The following NELL1 variants were observed in gnomAD, a reference collection of about 807,000 sequenced individuals.
The protein encoded by NELL1 is neural EGFL like 1, also known as protein kinase C-binding protein NELL1.
NELL1 carries 76 observed loss-of-function variants against 107.4 expected under a neutral mutation model. The observed-to-expected ratio is 0.71, with a 90% CI of 0.59 to 0.86. NELL1 has a LOEUF of 0.86. Ranked by LOEUF, NELL1 falls within the 40% of genes least tolerant of loss-of-function variation. The pLI is 0.00. For synonymous variants in NELL1, 353 were observed against 341.2 expected (o/e 1.03, Z -0.38); for missense variants, 1,024 against 1,005.5 (o/e 1.02, Z -0.25).
intron 2 of NELL1, among the ~76,000 whole-genome samples, chr11:20,741,513 A>G (rs970085394): frequency 6.6e-6 from 1 of 152,208 alleles, no homozygotes; most frequent in Non-Finnish European, 1.5e-5. Flanking sequence ...ATTCCTGATT[A>G]GGATAAAAAG....
intron 14 of NELL1, among the ~76,000 whole-genome samples, chr11:21,274,724 T>G (rs894771982): frequency 6.6e-6 from 1 of 152,116 alleles, no homozygotes; most frequent in Non-Finnish European, 1.5e-5. Flanking sequence ...GCAATCAAAC[T>G]AGAACTCAGG....
At chr11:21,240,923 C>T (rs942313357) in intron 14 of NELL1, among the ~76,000 whole-genome samples, 1 of 151,992 alleles carries the variant, frequency 6.6e-6, no homozygotes, top group Non-Finnish European at 1.5e-5. Flanking sequence ...GCTTGTATCT[C>T]AGAGGGAGTG....
intron 12 of NELL1, among the ~76,000 whole-genome samples, chr11:21,044,533 T>C (rs896966662): frequency 2.6e-5 from 4 of 152,164 alleles, no homozygotes; most frequent in African/African-American, 4.8e-5. Context: ...TGCATGTTGA[T>C]GTTTTAAGAT....
chr11:21,180,870 C>CAA (rs371471755), intron 13 of NELL1, among the ~76,000 whole-genome samples: 7 of 145,416 alleles, frequency 4.8e-5, no homozygotes, highest in South Asian at 2.2e-4. Context: ...TATCTTGTTT[C>CAA]AAAAAAAAAA....
chr11:20,696,414 G>T (rs756892917), intron 2 of NELL1, among the ~76,000 whole-genome samples: 1 of 152,038 alleles, frequency 6.6e-6, no homozygotes, highest in Admixed American at 6.6e-5. Context: ...GATCATTGAT[G>T]TGAGATCTTT....
chr11:20,951,091 A>T (rs1262952394), intron 11 of NELL1, among the ~76,000 whole-genome samples: 5 of 152,178 alleles, frequency 3.3e-5, no homozygotes, highest in African/African-American at 4.8e-5. Flanking sequence ...GAGTCACCTT[A>T]CCTGGGGAGG....
At chr11:20,928,289 G>T in intron 8 of NELL1, 88 bp from the exon 9 acceptor site, 2 of 1,192,206 alleles carry the variant, frequency 1.7e-6, no homozygotes, top group Non-Finnish European at 2.5e-6. Context: ...CCCTGATGAG[G>T]TTTCTGGGAT....
chr11:20,930,282 T>C (rs1429648184), intron 9 of NELL1, among the ~76,000 whole-genome samples: 1 of 152,148 alleles, frequency 6.6e-6, no homozygotes, highest in Non-Finnish European at 1.5e-5. Context: ...GGATGTGTCC[T>C]TTTTTTAAGA....
At chr11:21,062,996 G>A (rs1360124549) in intron 12 of NELL1, among the ~76,000 whole-genome samples, 5 of 150,754 alleles carry the variant, frequency 3.3e-5, no homozygotes, top group African/African-American at 9.8e-5. Flanking sequence ...CCCAGCTAAT[G>A]TGTGTGTGTG....
chr11:21,472,249 T>A (rs765092438), intron 15 of NELL1, among the ~76,000 whole-genome samples: 4 of 152,018 alleles, frequency 2.6e-5, no homozygotes, highest in African/African-American at 4.8e-5. Flanking sequence ...AAAATTAAAT[T>A]CATTCTTCTT....
intron 12 of NELL1, among the ~76,000 whole-genome samples, chr11:21,036,509 T>C (rs1565026670): frequency 6.6e-6 from 1 of 152,130 alleles, no homozygotes; most frequent in Non-Finnish European, 1.5e-5. Flanking sequence ...CAAAACAGCA[T>C]GGTGTTCTTC....
chr11:20,983,480 C>G (rs951187285), intron 12 of NELL1, among the ~76,000 whole-genome samples: 1 of 152,172 alleles, frequency 6.6e-6, no homozygotes, highest in Admixed American at 6.6e-5. Context: ...CCCTGAACAC[C>G]TGCTCTTCTT....
intron 13 of NELL1, among the ~76,000 whole-genome samples, chr11:21,188,674 A>G: frequency 6.6e-6 from 1 of 151,930 alleles, no homozygotes; most frequent in East Asian, 1.9e-4. Flanking sequence ...CAGTGGATAA[A>G]GAACAGATGT....
chr11:21,471,242 A>T (rs1590957794), intron 15 of NELL1, among the ~76,000 whole-genome samples: 1 of 151,162 alleles, frequency 6.6e-6, no homozygotes, highest in East Asian at 1.9e-4. Context: ...CTCTATTTGG[A>T]AAAAAAAATA....
chr11:21,354,535 GCTAT>G (rs1850886904), intron 14 of NELL1, among the ~76,000 whole-genome samples: 1 of 152,112 alleles, frequency 6.6e-6, no homozygotes, highest in African/African-American at 2.4e-5. Flanking sequence ...CTCCGGGCTA[GCTAT>G]CTAACTTTTC....
At chr11:21,285,646 G>A (rs1186181263) in intron 14 of NELL1, among the ~76,000 whole-genome samples, 2 of 152,190 alleles carry the variant, frequency 1.3e-5, no homozygotes, top group Non-Finnish European at 2.9e-5. Context: ...ACTCAAGAGT[G>A]TAGAGGTCAA....
Position 20,948,041 on chromosome 11 carries a change from T to G in NELL1, c.1171+606T>G, listed in dbSNP as rs575721273. Among the ~76,000 whole-genome samples the G allele has an allele frequency of 9.7e-4, 148 of 151,946 alleles. 1 individual carries two copies. The highest frequency in any genetic ancestry group is 7.1e-4 in the Non-Finnish European group (48 of 67,962). The stretch of plus-strand genomic sequence containing the variant: ...ATTTATTCTTTATTTAAATTTTTAT[T>G]TATTATTATTATTAGTTTAGAGTTA... On this transcript the variant is annotated intron_variant, in intron 11 of 19. Transcript: ENST00000357134.
intron 14 of NELL1, among the ~76,000 whole-genome samples, chr11:21,256,046 C>T (rs1858759717): frequency 6.6e-6 from 1 of 151,998 alleles, no homozygotes; most frequent in African/African-American, 2.4e-5. Context: ...AGCTGTCTCC[C>T]CTCCCAGGCT....
At chr11:21,198,530 C>G (rs1255399385) in intron 13 of NELL1, among the ~76,000 whole-genome samples, 1 of 152,192 alleles carries the variant, frequency 6.6e-6, no homozygotes, top group Non-Finnish European at 1.5e-5. Flanking sequence ...AGCTCAATCA[C>G]TGGTAGAGAG....
Sources: allele counts gnomAD v4.1 joint callset (sites outside exome capture counted in the v4.1 genomes callset), GRCh38; gene constraint gnomAD v4.1.1; transcripts MANE v1.5; gene names NCBI Gene and HGNC (gene_info 2026-07-23, HGNC 2026-07-21).